HSPG2: variants seen among roughly 807,000 people sequenced by gnomAD.
The protein encoded by HSPG2 is heparan sulfate proteoglycan 2.
In HSPG2, 278 loss-of-function variants were observed where a neutral mutation model predicts 526.6. The observed-to-expected ratio is 0.53, with a 90% CI of 0.48 to 0.58. HSPG2 has a LOEUF of 0.58. HSPG2 is among the 20% of genes least tolerant of loss of function. The pLI is 0.00. For synonymous variants in HSPG2, 2,465 were observed against 2,555.4 expected, an observed-to-expected ratio of 0.96 and a Z score of 1.07; for missense variants, 5,354 against 6,099.5, an observed-to-expected ratio of 0.88 and a Z score of 4.07.
In HSPG2 at chr1:21,880,704, T is replaced by C. The variant is rs994600273; in HGVS notation, c.1950A>G (p.Thr650=). ...GGTTCAGAGCACCAGGTTGGGTGGG[T>C]GTGTGGCCTCGGGAGAGGAGGCGGT... ...AGYRLLSRGH[T]PTQPGALNQR... is the part of the protein sequence containing the mutation. The change falls in exon 15 of 97, where the codon ACA becomes ACG. Residue 650 remains threonine, a synonymous_variant. Coordinates refer to ENST00000374695, the MANE Select transcript of HSPG2 (RefSeq NM_005529.7). 1.9e-6 allele frequency: 3 copies of C among 1,599,736 alleles called. No individual in the cohort carries two copies. Among genetic ancestry groups the C allele is most frequent in the Non-Finnish European group, 2.6e-6 (3 of 1,173,714 alleles).
intron 1 of HSPG2, among the ~76,000 whole-genome samples, chr1:21,912,323 T>TA (rs1455877269): frequency 6.6e-6 from 1 of 152,138 alleles, no homozygotes; most frequent in Non-Finnish European, 1.5e-5. Flanking sequence ...ATCAGGCACT[T>TA]ACGAGGTGTA....
chr1:21,852,600 T>A (rs1035192196), intron 52 of HSPG2, 100 bp downstream of exon 52: 3 of 1,519,716 alleles, frequency 2.0e-6, no homozygotes, highest in African/African-American at 1.4e-5. Flanking sequence ...AGCTCCGGTG[T>A]GGGCCTTCTG....
chr1:21,887,134 C>T lies in HSPG2; in HGVS notation c.1078+81G>A, dbSNP rs973361895. 1.9e-5 allele frequency: 26 copies of T among 1,385,188 alleles called. No homozygotes were observed. Among genetic ancestry groups the T allele is most frequent in the East Asian group, 5.4e-5 (2 of 37,294 alleles). 85.8% of individuals were successfully genotyped at this position (1,385,188 alleles called of 1,614,324 possible). ...GGAAAGCGGAGGGGCAGGGTAGGGG[C>T]GGGGCAGGAGTGGAAGGCGGGGCAG... On this transcript the variant is annotated intron_variant, in intron 9 of 96. Coordinates refer to ENST00000374695, the MANE Select transcript of HSPG2 (RefSeq NM_005529.7). This position sits in a 1 kb window ranked among gnomAD's most constrained non-coding sequence, Gnocchi z 5.0.
rs1572214229 is a variant in HSPG2, at chr1:21,848,597, G to A, written c.7737+46C>T. 2.5e-6 allele frequency: 4 copies of A among 1,608,528 alleles called. No homozygotes were observed. The East Asian group carries it at 8.9e-5, about 36-fold the overall frequency. ...GAGAGTCCCCCCTCTTCCCATTGGGGGCTGGTGTGCCCTGCTTTTGCCCTC... is the reference window on the plus strand; with the variant it reads ...GAGAGTCCCCCCTCTTCCCATTGGGAGCTGGTGTGCCCTGCTTTTGCCCTC... On this transcript the variant is annotated intron_variant, in intron 59 of 96. Coordinates refer to ENST00000374695, the MANE Select transcript of HSPG2 (RefSeq NM_005529.7). The surrounding 1 kb of genome is among the most constrained non-coding windows in gnomAD (Gnocchi z 4.9).
At chr1:21,841,765 C>G (rs1380072064) in intron 69 of HSPG2, 92 bp from the exon 70 acceptor site, 6 of 1,519,892 alleles carry the variant, frequency 3.9e-6, no homozygotes, top group African/African-American at 1.4e-5. Flanking sequence ...GCCCACTTCC[C>G]CAATCCCTCC....
chr1:21,838,145 A>AG (rs2098034283), intron 74 of HSPG2, among the ~76,000 whole-genome samples: 1 of 150,270 alleles, frequency 6.7e-6, no homozygotes, highest in African/African-American at 2.5e-5. Context: ...CAAAAAAAAA[A>AG]AAAAAAAAAA....
chr1:21,860,280 C>T (rs757396962), intron 39 of HSPG2, 45 bp from the exon 40 acceptor site: 3 of 1,569,344 alleles, frequency 1.9e-6, no homozygotes, highest in Non-Finnish European at 2.6e-6. Flanking sequence ...CTCAAGGGCC[C>T]CAGTGCCTCA....
rs1296758704 is a variant in HSPG2 at position 21,875,571 on chromosome 1, G to A, written c.3302+58C>T. On this transcript the variant is annotated intron_variant, in intron 25 of 96. Transcript: ENST00000374695. Reference sequence around the variant, plus strand: ...GTAAGTGGCTGTGCTGTACTGCACCGCTTAGATGGAGCCCCTCCCCAAGCC... The same window carrying A: ...GTAAGTGGCTGTGCTGTACTGCACCACTTAGATGGAGCCCCTCCCCAAGCC... The A allele has an allele frequency of 3.8e-6, 5 of 1,307,416 alleles. No individual in the cohort carries two copies. The East Asian group carries it at 6.9e-5, about 18-fold the overall frequency. 81.0% of individuals were successfully genotyped at this position (1,307,416 alleles called of 1,614,324 possible).
Position 21,851,554 on chromosome 1 carries a change from G to A in HSPG2, c.7150C>T (p.Arg2384Trp), listed in dbSNP as rs372112548. ...GTCCTCCAGTCCCATACCTGGTGCC[G>A]GACAGGGAGGCTGCCCCCACGCTTG... The part of the protein sequence containing the change: ...WHKRGGSLPV[R>W]HQTHGSLLRL... Residue 2384 changes from arginine (R) to tryptophan (W), a missense_variant, in exon 55 of 97, where the codon CGG (arginine) becomes TGG (tryptophan). Arg to Trp is a moderately radical substitution (Grantham distance 101, BLOSUM62 -3). Transcript: ENST00000374695. 55 of 1,613,804 alleles carry A rather than the reference G, an allele frequency of 3.4e-5. No homozygotes were observed. The East Asian group carries it at 3.6e-4, about 10-fold the overall frequency.
At chr1:21,843,492 C>T in intron 65 of HSPG2, 54 bp from the exon 66 acceptor site, 1 of 1,569,572 alleles carries the variant, frequency 6.4e-7, no homozygotes, top group Non-Finnish European at 8.7e-7. Flanking sequence ...TTCAGATGCC[C>T]AGGCCTCTGG....
chr1:21,887,273 C>A lies in HSPG2; in HGVS notation c.1020G>T (p.Lys340Asn). 2 of 1,613,980 alleles carry A rather than the reference C, an allele frequency of 1.2e-6. No homozygotes were observed. The highest frequency in any genetic ancestry group is 1.7e-6 in the Non-Finnish European group (2 of 1,179,946). ...CAAAGTCACCATCGCAGCGCCACAG[C>A]TTGAGGGCACAATGTCCATTCCCGC... is the stretch of plus-strand genomic sequence containing the variant. ...FPCGNGHCAL[K>N]LWRCDGDFDC... The change falls in exon 9 of 97, where the codon AAG (lysine) becomes AAT (asparagine). Residue 340 changes from lysine (K) to asparagine (N), a missense_variant. Physicochemically the swap from Lys to Asn is moderately conservative, Grantham distance 94. Transcript: ENST00000374695. The surrounding 1 kb of genome is among the most constrained non-coding windows in gnomAD (Gnocchi z 5.0).
intron 57 of HSPG2, among the ~76,000 whole-genome samples, chr1:21,849,238 G>A (rs1157678336): frequency 2.0e-5 from 3 of 152,246 alleles, no homozygotes; most frequent in Non-Finnish European, 2.9e-5. Context: ...TGCCAGGGAC[G>A]ACTGAGACTT....
chr1:21,872,546 G>A lies in HSPG2; in HGVS notation c.4029+74C>T. The stretch of plus-strand genomic sequence containing the variant: ...CTGAGGCGGGGATGAGGGTCGCTGG[G>A]CTCAGTGCTCAGATGGACAGTAACA... On this transcript the variant is annotated intron_variant, in intron 32 of 96. Coordinates refer to ENST00000374695, the MANE Select transcript of HSPG2 (RefSeq NM_005529.7). This position sits in a 1 kb window ranked among gnomAD's most constrained non-coding sequence, Gnocchi z 5.5. The A allele has an allele frequency of 6.5e-7, 1 of 1,527,608 alleles. No homozygotes were observed. Among genetic ancestry groups the A allele is most frequent in the Non-Finnish European group, 8.9e-7 (1 of 1,126,594 alleles). 94.6% of individuals were successfully genotyped at this position (1,527,608 alleles called of 1,614,324 possible). A position where few individuals can be genotyped will look rare whatever the true frequency, so the allele number is the denominator to read the frequency against.
Position 21,890,272 on chromosome 1 carries a change from G to T in HSPG2, c.414-131C>A. The T allele has an allele frequency of 7.7e-7, 1 of 1,301,742 alleles. No homozygotes were observed. Among genetic ancestry groups the T allele is most frequent in the Non-Finnish European group, 1.1e-6 (1 of 904,154 alleles). The allele number at this position is 1,301,742 out of a possible 1,614,324, so 80.6% of individuals were successfully genotyped here. A position where few individuals can be genotyped will look rare whatever the true frequency, so the allele number is the denominator to read the frequency against. ...TGTACCCAAAGAAGGGCAACTAAAG[G>T]TCCCAATGATCCCCCGACCAATTCC... On this transcript the variant is annotated intron_variant, in intron 5 of 96. Transcript: ENST00000374695. This position sits in a 1 kb window ranked among gnomAD's most constrained non-coding sequence, Gnocchi z 4.1.
Position 21,905,513 on chromosome 1 carries a change from G to A in HSPG2, c.64-9203C>T, listed in dbSNP as rs142471732. Among the ~76,000 whole-genome samples the A allele has an allele frequency of 3.7e-3, 556 of 152,262 alleles. 7 individuals carry two copies. Among genetic ancestry groups the A allele is most frequent in the African/African-American group, 0.012 (509 of 41,536 alleles). On this transcript the variant is annotated intron_variant, in intron 1 of 96. Coordinates refer to ENST00000374695, the MANE Select transcript of HSPG2 (RefSeq NM_005529.7). ...TCCCAGCACATTGGGAGGCCGAGGC[G>A]GGTGGATCACCTGAGGTCAGGAGTT... is the stretch of plus-strand genomic sequence containing the variant.
intron 3 of HSPG2, among the ~76,000 whole-genome samples, chr1:21,894,546 G>A (rs1467813509): frequency 2.0e-5 from 3 of 152,142 alleles, no homozygotes; most frequent in Admixed American, 6.5e-5. Context: ...ACCTACCCTG[G>A]TCTTGGGCCC....
intron 1 of HSPG2, among the ~76,000 whole-genome samples, chr1:21,922,155 T>G (rs1644056994): frequency 6.6e-6 from 1 of 152,222 alleles, no homozygotes; most frequent in African/African-American, 2.4e-5. Flanking sequence ...TGTAGGCTAT[T>G]TATATGATCT....
chr1:21,934,539 CGA>C (rs1465461581), intron 1 of HSPG2, among the ~76,000 whole-genome samples: 1 of 151,712 alleles, frequency 6.6e-6, no homozygotes, highest in African/African-American at 2.4e-5. Context: ...GAGACCGAGG[CGA>C]GAGGATCGCT....
intron 91 of HSPG2, among the ~76,000 whole-genome samples, chr1:21,825,468 A>G (rs2097969128): frequency 6.6e-6 from 1 of 152,148 alleles, no homozygotes; most frequent in African/African-American, 2.4e-5. Context: ...TGTTCTCTCC[A>G]TCTTACAGAA....
Sources: allele counts gnomAD v4.1 joint callset (sites outside exome capture counted in the v4.1 genomes callset), GRCh38; gene constraint gnomAD v4.1.1; non-coding constraint Gnocchi (gnomAD v3.1); transcripts MANE v1.5; gene names NCBI Gene and HGNC (gene_info 2026-07-23, HGNC 2026-07-21).